Variants in CCDC32 observed in about 807,000 individuals in gnomAD.
CCDC32 encodes coiled-coil domain-containing protein 32.
In CCDC32, 9 loss-of-function variants were observed where a neutral mutation model predicts 20.1. The ratio of observed to expected loss-of-function variants is 0.45; its 90% CI spans 0.27 to 0.78. CCDC32 has a LOEUF of 0.78. CCDC32 is among the 30% of genes least tolerant of loss of function. CCDC32 has a pLI of 0.16. For synonymous variants in CCDC32, 63 were observed against 79.0 expected (o/e 0.80, Z 1.07); for missense variants, 204 against 215.5 (o/e 0.95, Z 0.33).
downstream of CCDC32, among the ~76,000 whole-genome samples, chr15:40,551,809 C>CAA (rs59499493): frequency 1.6e-4 from 15 of 96,386 alleles, no homozygotes; most frequent in Non-Finnish European, 1.9e-4. Context: ...GACCCTGTCT[C>CAA]AAAAAAAAAA....
Position 40,553,741 on chromosome 15 carries a change from T to G in CCDC32, c.*230A>C, listed in dbSNP as rs1363675763. ...ATCCAGTGTGCACTGGGTCAGTCAC[T>G]TCATCCGAGACAGTCACACATGCCA... is the stretch of plus-strand genomic sequence containing the variant. On this transcript the variant is annotated 3_prime_UTR_variant, in exon 4 of 4. Coordinates refer to ENST00000416810, the MANE Select transcript of CCDC32 (RefSeq NM_001080792.4). 2 of 1,347,210 alleles carry G rather than the reference T, an allele frequency of 1.5e-6. No homozygotes were observed. Among genetic ancestry groups the G allele is most frequent in the African/African-American group, 2.9e-5 (2 of 68,304 alleles). 83.5% of individuals were successfully genotyped at this position (1,347,210 alleles called of 1,614,324 possible).
chr15:40,554,177 ATTAC>A, intron 3 of CCDC32, 50 bp from the exon 4 acceptor site: 12 of 1,565,696 alleles, frequency 7.7e-6, no homozygotes, highest in Non-Finnish European at 1.0e-5. Context: ...TCACTGATTA[ATTAC>A]TTAATGATTA....
chr15:40,546,747 G>A (rs1482005283), intron 3 of CCDC32, among the ~76,000 whole-genome samples: 1 of 151,378 alleles, frequency 6.6e-6, no homozygotes, highest in Non-Finnish European at 1.5e-5. Context: ...TGTTGCCCAG[G>A]CTGGAGTGTA....
chr15:40,524,146 C>CTTTTTT (rs66753325), downstream of CCDC32, among the ~76,000 whole-genome samples: 4 of 89,176 alleles, frequency 4.5e-5, no homozygotes, highest in Admixed American at 1.5e-4. Context: ...CATGCATAAT[C>CTTTTTT]TTTTTTTTTT....
At chr15:40,531,921 T>C (rs1433702067), downstream of CCDC32, 1 of 170,228 alleles carries the variant, frequency 5.9e-6, no homozygotes, top group African/African-American at 2.4e-5. Flanking sequence ...TATTAGTGCA[T>C]ACACCAGATT....
intron 3 of CCDC32, among the ~76,000 whole-genome samples, chr15:40,541,152 A>G (rs1194559622): frequency 2.6e-5 from 4 of 152,196 alleles, no homozygotes; most frequent in Non-Finnish European, 5.9e-5. Flanking sequence ...CTTCTGGTAC[A>G]TGCTCAGTTT....
chr15:40,533,287 A>T (rs376197629), downstream of CCDC32, among the ~76,000 whole-genome samples: 5 of 152,204 alleles, frequency 3.3e-5, no homozygotes, highest in East Asian at 7.7e-4. Flanking sequence ...CTGAAGAATT[A>T]AATGTTGAAG....
downstream of CCDC32, chr15:40,537,301 G>C (rs1020875449): frequency 3.9e-5 from 6 of 152,702 alleles, no homozygotes; most frequent in African/African-American, 1.4e-4. Flanking sequence ...GACTCAAGGA[G>C]GGAAGGCAGC....
intron 3 of CCDC32, among the ~76,000 whole-genome samples, chr15:40,556,275 C>T (rs563510865): frequency 4.8e-4 from 73 of 152,318 alleles, no homozygotes; most frequent in African/African-American, 1.8e-3. Context: ...CAGGAGGGAG[C>T]TCAGTGGCCT....
chr15:40,544,699 A>G (rs1012038032), intron 3 of CCDC32, among the ~76,000 whole-genome samples: 1 of 151,678 alleles, frequency 6.6e-6, no homozygotes, highest in African/African-American at 2.4e-5. Context: ...AGCCAGCTCT[A>G]TATGTCTTAG....
chr15:40,549,620 C>G (rs1269564561), downstream of CCDC32, among the ~76,000 whole-genome samples: 1 of 152,216 alleles, frequency 6.6e-6, no homozygotes, highest in East Asian at 1.9e-4. Flanking sequence ...AGATGCCGTT[C>G]TGCTTTATTT....
At chr15:40,521,818 A>G in the CCDC32 span, among the ~76,000 whole-genome samples, 1 of 152,044 alleles carries the variant, frequency 6.6e-6, no homozygotes, top group Admixed American at 6.5e-5. Flanking sequence ...TTGTCATTTT[A>G]TGATTGAGTT....
chr15:40,552,581 A>G (rs891139885), downstream of CCDC32, among the ~76,000 whole-genome samples: 1 of 151,588 alleles, frequency 6.6e-6, no homozygotes, highest in African/African-American at 2.4e-5. Flanking sequence ...ATTGGTTCCT[A>G]TCCTTTTGGG....
At chr15:40,564,128 C>A (rs541364098) in intron 1 of CCDC32, among the ~76,000 whole-genome samples, 11 of 152,270 alleles carry the variant, frequency 7.2e-5, no homozygotes, top group African/African-American at 2.6e-4. Context: ...CCCCTAAATT[C>A]TGTTTTCAAC....
chr15:40,528,778 A>G (rs1168933180), exon 4 of CCDC32: 1 of 699,106 alleles, frequency 1.4e-6, no homozygotes, highest in Non-Finnish European at 2.6e-6. Context: ...CACAGATCCC[A>G]TTTCTCAAAA....
chr15:40,531,156 T>G (rs897900106), downstream of CCDC32, among the ~76,000 whole-genome samples: 1 of 151,328 alleles, frequency 6.6e-6, no homozygotes, highest in Non-Finnish European at 1.5e-5. Context: ...TAGTAGACAC[T>G]GGAGACTTGG....
chr15:40,565,022 G>A lies in CCDC32; in HGVS notation c.-59C>T. On this transcript the variant is annotated 5_prime_UTR_variant, in exon 1 of 4. Transcript: ENST00000416810. ...GCTTGGCTCAGCTCTGTCGCCTGTA[G>A]CCCGGAGGAAATCGGGAGGGGCGGA... is the stretch of plus-strand genomic sequence containing the variant. 1 of 563,906 alleles carries A rather than the reference G, an allele frequency of 1.8e-6. No homozygotes were observed. 34.9% of individuals were successfully genotyped at this position (563,906 alleles called of 1,614,324 possible).
At chr15:40,548,806 C>A (rs1889726654), downstream of CCDC32, among the ~76,000 whole-genome samples, 1 of 152,068 alleles carries the variant, frequency 6.6e-6, no homozygotes, top group African/African-American at 2.4e-5. Flanking sequence ...ATTATTTATG[C>A]TGTACTCTAT....
intron 3 of CCDC32, among the ~76,000 whole-genome samples, chr15:40,555,749 G>A (rs531271611): frequency 2.0e-5 from 3 of 152,264 alleles, no homozygotes; most frequent in East Asian, 1.9e-4. Flanking sequence ...TTCACATACT[G>A]TCCTGATTTC....
Sources: gnomAD v4.1 joint callset for allele counts (sites outside exome capture counted in the v4.1 genomes callset) on GRCh38, gnomAD v4.1.1 for gene constraint, MANE v1.5 for transcripts, NCBI Gene and HGNC (gene_info 2026-07-23, HGNC 2026-07-21) for gene names.